The following PTPRG variants were observed in gnomAD, a reference collection of about 807,000 sequenced individuals.
PTPRG encodes protein tyrosine phosphatase receptor type G.
Under a neutral mutation model 165.3 loss-of-function variants are expected in PTPRG, and 102 were observed. That is an observed-to-expected ratio of 0.62 (90% CI 0.53 to 0.73). PTPRG has a LOEUF of 0.73. Among genes scored for constraint, PTPRG ranks in the 30% least tolerant of loss-of-function variants. The probability of loss-of-function intolerance (pLI) is 0.00; values close to 1 mark genes in which losing one functional copy is unlikely to be tolerated. For synonymous variants in PTPRG, 675 were observed against 669.5 expected (o/e 1.01, Z -0.13); for missense variants, 1,866 against 1,861.4 (o/e 1.00, Z -0.05).
intron 6 of PTPRG, among the ~76,000 whole-genome samples, chr3:62,156,175 A>G (rs1236546907): frequency 7.9e-5 from 12 of 152,104 alleles, no homozygotes; most frequent in Admixed American, 7.9e-4. Flanking sequence ...ACTGCTTACA[A>G]TGTTTTTCTT....
rs1379540171 is a variant in PTPRG at position 62,210,796 on chromosome 3, A to AT, written c.2155+6853dup. Among the ~76,000 whole-genome samples the AT allele has an allele frequency of 5.9e-5, 9 of 152,034 alleles. No homozygotes were observed. Among genetic ancestry groups the AT allele is most frequent in the Non-Finnish European group, 1.0e-4 (7 of 68,014 alleles). The stretch of plus-strand genomic sequence containing the variant: ...TCTTCCTTAGGATTTTCTTTATAAC[A>AT]TTTTTTTCTAGCTTACTTTATTGTA... On this transcript the variant is annotated intron_variant, in intron 12 of 29. Coordinates refer to ENST00000474889, the MANE Select transcript of PTPRG (RefSeq NM_002841.4). The surrounding 1 kb of genome is among the most constrained non-coding windows in gnomAD (Gnocchi z 4.1).
At chr3:62,078,051 T>C in intron 4 of PTPRG, 112 bp from the exon 5 acceptor site, 1 of 690,818 alleles carries the variant, frequency 1.4e-6, no homozygotes, top group Non-Finnish European at 2.4e-6. Context: ...GGTGAATAAA[T>C]TTGGCAAAAT....
intron 1 of PTPRG, among the ~76,000 whole-genome samples, chr3:61,681,620 T>A (rs1449113809): frequency 6.6e-6 from 1 of 152,194 alleles, no homozygotes; most frequent in East Asian, 1.9e-4. Context: ...TCCTCTTCTA[T>A]GAAATGTGGA....
In PTPRG at chr3:61,907,448, C is replaced by T. The variant is rs147144581; in HGVS notation, c.191-82177C>T. Among the ~76,000 whole-genome samples, 744 of 152,302 alleles carry T rather than the reference C, an allele frequency of 4.9e-3. 3 individuals are homozygous for T. Among genetic ancestry groups the T allele is most frequent in the Non-Finnish European group, 8.2e-3 (559 of 68,026 alleles). On this transcript the variant is annotated intron_variant, in intron 2 of 29. Transcript: ENST00000474889. ...GCATTGCTCTGAAAGCTGCCTCCAT[C>T]AGTCATGTCGAATTGGTACTCACGA...
chr3:62,207,632 T>C (rs1700262192), intron 12 of PTPRG, among the ~76,000 whole-genome samples: 1 of 152,260 alleles, frequency 6.6e-6, no homozygotes, highest in South Asian at 2.1e-4. Context: ...AAAAGAGTGA[T>C]AATGTGTAAA....
intron 2 of PTPRG, among the ~76,000 whole-genome samples, chr3:61,825,889 A>G (rs61362159): frequency 0.048 from 7,292 of 152,096 alleles, 296 homozygotes; most frequent in East Asian, 0.21. Flanking sequence ...AGACTCAAGT[A>G]ATTTTCCTGC....
chr3:61,901,803 G>A (rs1430834224), intron 2 of PTPRG, among the ~76,000 whole-genome samples: 1 of 152,180 alleles, frequency 6.6e-6, no homozygotes, highest in African/African-American at 2.4e-5. Flanking sequence ...TCCACAATTT[G>A]TAGAATGCCA....
chr3:61,927,144 C>T (rs1260749713), intron 2 of PTPRG, among the ~76,000 whole-genome samples: 1 of 152,196 alleles, frequency 6.6e-6, no homozygotes, highest in Non-Finnish European at 1.5e-5. Context: ...TATTTTTGTT[C>T]TGTTCATTTG....
At chr3:62,056,745 A>C (rs1463485191) in intron 4 of PTPRG, among the ~76,000 whole-genome samples, 2 of 152,202 alleles carry the variant, frequency 1.3e-5, no homozygotes, top group African/African-American at 4.8e-5. Context: ...TTTGAGAACC[A>C]CTGGTTTAGA....
At chr3:61,663,977 G>T (rs1426512791) in intron 1 of PTPRG, among the ~76,000 whole-genome samples, 1 of 152,182 alleles carries the variant, frequency 6.6e-6, no homozygotes, top group East Asian at 1.9e-4. Flanking sequence ...GGGGACCCCT[G>T]ATTTAAAGCA....
intron 1 of PTPRG, among the ~76,000 whole-genome samples, chr3:61,693,189 C>A: frequency 6.6e-6 from 1 of 152,064 alleles, no homozygotes; most frequent in South Asian, 2.1e-4. Context: ...AACTATTTAG[C>A]GAGATGTATA....
chr3:62,021,936 T>A (rs1158821142), intron 4 of PTPRG, among the ~76,000 whole-genome samples: 1 of 144,490 alleles, frequency 6.9e-6, no homozygotes, highest in Non-Finnish European at 1.5e-5. Flanking sequence ...CCCTTCCCCC[T>A]CAAAAAAGAA....
At position 62,078,237 on chromosome 3, in the gene PTPRG, A is replaced by G. The variant is rs1469036653; in HGVS notation, c.594A>G (p.Gly198=). 1 of 1,603,336 alleles carries G rather than the reference A, an allele frequency of 6.2e-7. No individual in the cohort carries two copies. Among genetic ancestry groups the G allele is most frequent in the Non-Finnish European group, 8.5e-7 (1 of 1,174,420 alleles). The change falls in exon 5 of 30, where the codon GGA becomes GGG. Residue 198 remains glycine, a synonymous_variant. Transcript: ENST00000474889. ...QTAISENRII[G]AMAIFFQVSP... is the part of the protein sequence containing the mutation. Reference sequence around the variant, plus strand: ...CAATTTCTGAGAACAGAATAATCGGAGCCATGGCCATATTTTTTCAAGTAA... The same window carrying G: ...CAATTTCTGAGAACAGAATAATCGGGGCCATGGCCATATTTTTTCAAGTAA...
intron 8 of PTPRG, among the ~76,000 whole-genome samples, chr3:62,179,202 C>A (rs547944859): frequency 6.6e-6 from 1 of 152,248 alleles, no homozygotes; most frequent in Non-Finnish European, 1.5e-5. Flanking sequence ...AATCAAAGAA[C>A]AACTGTTAAG....
At position 61,629,158 on chromosome 3, in the gene PTPRG, T is replaced by C. The variant is rs9832535; in HGVS notation, c.85+66786T>C. 8.9e-3 allele frequency among the ~76,000 whole-genome samples: 1,347 copies of C among 152,190 alleles called. 24 individuals are homozygous for C. The highest frequency in any genetic ancestry group is 0.031 in the African/African-American group (1,281 of 41,520). The stretch of plus-strand genomic sequence containing the variant: ...GAACTTCCAGGTGTCCTAAGTTAGA[T>C]TTATTTTTTATTTTGAGATGGAGTC... On this transcript the variant is annotated intron_variant, in intron 1 of 29. Transcript: ENST00000474889.
At chr3:62,052,739 T>C (rs1196158835) in intron 4 of PTPRG, among the ~76,000 whole-genome samples, 1 of 152,150 alleles carries the variant, frequency 6.6e-6, no homozygotes, top group African/African-American at 2.4e-5. Flanking sequence ...TGGAACTCTC[T>C]TGCTCACATT....
chr3:62,209,751 A>C (rs1383680530), intron 12 of PTPRG, among the ~76,000 whole-genome samples: 3 of 152,172 alleles, frequency 2.0e-5, no homozygotes, highest in Non-Finnish European at 2.9e-5. Flanking sequence ...TCTTCTCAGA[A>C]AGTATCTGGG....
chr3:61,924,439 A>G (rs1172448315), intron 2 of PTPRG, among the ~76,000 whole-genome samples: 1 of 152,260 alleles, frequency 6.6e-6, no homozygotes, highest in Admixed American at 6.5e-5. Context: ...CATTCTAAAT[A>G]AATGCCTTAT....
chr3:62,203,303 G>T lies in PTPRG; in HGVS notation c.1508G>T (p.Ser503Ile). Residue 503 changes from serine (S) to isoleucine (I), a missense_variant, in exon 12 of 30, where the codon AGC becomes ATC. By Grantham distance (142) the Ser-to-Ile change is moderately radical. Coordinates refer to ENST00000474889, the MANE Select transcript of PTPRG (RefSeq NM_002841.4). This position sits in a 1 kb window ranked among gnomAD's most constrained non-coding sequence, Gnocchi z 6.4. Reference sequence around the variant, plus strand: ...GGGATGGGCCCCTCCTCCAGTGGCAGCCAGGCCACAGTGGCCTCGGTGGTC... The same window carrying T: ...GGGATGGGCCCCTCCTCCAGTGGCATCCAGGCCACAGTGGCCTCGGTGGTC... ...ATGMGPSSSGSQATVASVVTS... is the reference protein window; with the variant it reads ...ATGMGPSSSGIQATVASVVTS... 1 of 1,613,480 alleles carries T rather than the reference G, an allele frequency of 6.2e-7. No individual in the cohort carries two copies. Among genetic ancestry groups the T allele is most frequent in the Non-Finnish European group, 8.5e-7 (1 of 1,179,924 alleles).
Sources: allele counts gnomAD v4.1 joint callset (sites outside exome capture counted in the v4.1 genomes callset), GRCh38; gene constraint gnomAD v4.1.1; non-coding constraint Gnocchi (gnomAD v3.1); transcripts MANE v1.5; gene names NCBI Gene and HGNC (gene_info 2026-07-23, HGNC 2026-07-21).